Variants in NUDT10 observed in about 807,000 individuals in gnomAD.
The protein encoded by NUDT10 is diphosphoinositol polyphosphate phosphohydrolase 3-alpha.
A neutral mutation model predicts 10.5 loss-of-function variants in NUDT10; 2 were observed. The ratio of observed to expected loss-of-function variants is 0.19; its 90% CI spans 0.08 to 0.60. The LOEUF (loss-of-function observed/expected upper bound fraction) is 0.60, where lower values mean the gene tolerates loss of function less well. Among genes scored for constraint, NUDT10 ranks in the 20% least tolerant of loss-of-function variants. The pLI, the probability that NUDT10 is intolerant of heterozygous loss-of-function variation, is 0.89. For synonymous variants in NUDT10, 53 were observed against 71.8 expected, an observed-to-expected ratio of 0.74 and a Z score of 1.32; for missense variants, 75 against 149.5, an observed-to-expected ratio of 0.50 and a Z score of 2.60.
Position 51,333,235 on chromosome X carries a change from G to A in NUDT10, c.270G>A (p.Lys90=), listed in dbSNP as rs1922732843. Residue 90 remains lysine (K), a synonymous_variant, in exon 1 of 2, where the codon AAG becomes AAA. Coordinates refer to ENST00000356450, the MANE Select transcript of NUDT10 (RefSeq NM_001304963.2). The part of the protein sequence containing the change: ...LGVFEQNQDP[K]HRTYVYVLTV... ...TCTTCGAACAGAACCAGGACCCCAA[G>A]CACAGAACGTACGTGTATGTACTGA... 3.3e-6 allele frequency: 4 copies of A among 1,209,208 alleles called. No individual in the cohort carries two copies. Among genetic ancestry groups the A allele is most frequent in the African/African-American group, 3.5e-5 (2 of 56,932 alleles).
rs1344668116 is a variant in NUDT10, at chrX:51,336,528, C to G, written c.*289C>G. The G allele has an allele frequency of 4.3e-6, 1 of 232,848 alleles. No homozygotes were observed. The highest frequency in any genetic ancestry group is 7.6e-6 in the Non-Finnish European group (1 of 130,742). The allele number at this position is 232,848 out of a possible 1,213,427, so 19.2% of individuals were successfully genotyped here. ...GCCCTTGAATGCCAGGAACTTGTTT[C>G]CTTAGTCTTTTTTATATATCTAGCA... On this transcript the variant is annotated 3_prime_UTR_variant, in exon 2 of 2. Coordinates refer to ENST00000356450, the MANE Select transcript of NUDT10 (RefSeq NM_001304963.2).
rs374455975 is a variant in NUDT10, at chrX:51,336,193, A to G, written c.*-46A>G. 19 of 552,400 alleles carry G rather than the reference A, an allele frequency of 3.4e-5. 1 individual carries two copies. In the African/African-American group the frequency reaches 3.8e-4, roughly 11 times the overall value. The allele number at this position is 552,400 out of a possible 1,213,427, so 45.5% of individuals were successfully genotyped here. A position where few individuals can be genotyped will look rare whatever the true frequency, so the allele number is the denominator to read the frequency against. ...CAATAAGTATTTGTTGATTAGAGGAATGGATGAACCAATAAAACCCTATTA... is the reference window on the plus strand; with the variant it reads ...CAATAAGTATTTGTTGATTAGAGGAGTGGATGAACCAATAAAACCCTATTA... On this transcript the variant is annotated intron_variant, in intron 1 of 1. Transcript: ENST00000356450.
upstream of NUDT10, chrX:51,332,804 C>A: frequency 1.2e-6 from 1 of 841,440 alleles, no homozygotes; most frequent in Non-Finnish European, 1.6e-6. Flanking sequence ...TCTCCCTCCG[C>A]TCCCCGGGCT....
chrX:51,332,939 G>C lies in NUDT10; in HGVS notation c.-27G>C, dbSNP rs782349718. ...CTGCGTCGGCGGCCCACACAGCAGC[G>C]AGAGGCGAGAGGAGGCTGCCTCGAG... is the stretch of plus-strand genomic sequence containing the variant. On this transcript the variant is annotated 5_prime_UTR_variant, in exon 1 of 2. Transcript: ENST00000356450. 8.3e-7 allele frequency: 1 copy of C among 1,208,322 alleles called. No homozygotes were observed. Among genetic ancestry groups the C allele is most frequent in the Non-Finnish European group, 1.1e-6 (1 of 893,383 alleles).
Position 51,336,322 on chromosome X carries a change from A to ATG in NUDT10, c.*84_*85dup. The ATG allele has an allele frequency of 1.9e-6, 1 of 532,983 alleles. No homozygotes were observed. The highest frequency in any genetic ancestry group is 3.4e-5 in the East Asian group (1 of 29,552). The allele number at this position is 532,983 out of a possible 1,213,427, so 43.9% of individuals were successfully genotyped here. On this transcript the variant is annotated 3_prime_UTR_variant, in exon 2 of 2. Transcript: ENST00000356450. ...GGATGAATGGAATTGTGAAGCACAGATGAGCTCTTTCACACTCCAAGGACA... is the reference window on the plus strand; with the variant it reads ...GGATGAATGGAATTGTGAAGCACAGATGTGAGCTCTTTCACACTCCAAGGACA...
Position 51,337,263 on chromosome X carries a change from A to G in NUDT10, c.*1024A>G, listed in dbSNP as rs1450841221. ...TTTGAACATTGGTGGGGTATTTGGT[A>G]TTAGAATAATGGTTTTATCATTATG... On this transcript the variant is annotated 3_prime_UTR_variant, in exon 2 of 2. Transcript: ENST00000356450. The G allele has an allele frequency of 2.7e-5, 3 of 112,218 alleles. No individual in the cohort carries two copies. Among genetic ancestry groups the G allele is most frequent in the Non-Finnish European group, 3.8e-5 (2 of 53,287 alleles). The allele number at this position is 112,218 out of a possible 1,213,427, so 9.2% of individuals were successfully genotyped here.
intron 1 of NUDT10, among the ~76,000 whole-genome samples, chrX:51,334,943 G>A (rs187719831): frequency 2.7e-5 from 3 of 110,262 alleles, no homozygotes; most frequent in East Asian, 2.9e-4. Flanking sequence ...TTTGGGTTTC[G>A]CTATGTAAAT....
Position 51,333,475 on chromosome X carries a change from G to C in NUDT10, c.494+16G>C, listed in dbSNP as rs370073006. 142 of 1,203,638 alleles carry C rather than the reference G, an allele frequency of 1.2e-4. No individual in the cohort carries two copies. Among genetic ancestry groups the C allele is most frequent in the Non-Finnish European group, 1.5e-4 (135 of 892,071 alleles). On this transcript the variant is annotated intron_variant, in intron 1 of 1. Coordinates refer to ENST00000356450, the MANE Select transcript of NUDT10 (RefSeq NM_001304963.2). ...GCGATCCCTAGTATGTACCGCTTGC[G>C]CCCGCACAGACTTCTGTTTGTCTGC...
Position 51,336,476 on chromosome X carries a change from GTGTC to G in NUDT10, c.*241_*244del, listed in dbSNP as rs782002251. 1.3e-5 allele frequency: 4 copies of G among 296,767 alleles called. No individual in the cohort carries two copies. Among genetic ancestry groups the G allele is most frequent in the Non-Finnish European group, 2.4e-5 (4 of 168,294 alleles). 24.5% of individuals were successfully genotyped at this position (296,767 alleles called of 1,213,427 possible). ...CCTGTGGCCTTTTTTGTGCTCTTAT[GTGTC>G]TGTATTTCCCGGCAGAGTATACGCC... On this transcript the variant is annotated 3_prime_UTR_variant, in exon 2 of 2. Transcript: ENST00000356450.
Position 51,333,469 on chromosome X carries a change from G to A in NUDT10, c.494+10G>A, listed in dbSNP as rs199592762. 2 of 1,207,100 alleles carry A rather than the reference G, an allele frequency of 1.7e-6. No homozygotes were observed. Among genetic ancestry groups the A allele is most frequent in the Non-Finnish European group, 2.2e-6 (2 of 893,131 alleles). ...CAGATAGCGATCCCTAGTATGTACC[G>A]CTTGCGCCCGCACAGACTTCTGTTT... On this transcript the variant is annotated intron_variant, in intron 1 of 1. Transcript: ENST00000356450.
chrX:51,334,649 G>A (rs1922787938), intron 1 of NUDT10, among the ~76,000 whole-genome samples: 1 of 111,744 alleles, frequency 8.9e-6, no homozygotes, highest in African/African-American at 3.3e-5. Context: ...AAGCTCTCAC[G>A]TTTGCCTCAG....
At chrX:51,332,532 G>C (rs1303585431), upstream of NUDT10, among the ~76,000 whole-genome samples, 3 of 113,009 alleles carry the variant, frequency 2.7e-5, no homozygotes, top group Non-Finnish European at 5.6e-5. Context: ...CCCGCCCCTG[G>C]CCCCTCGCCC....
rs922084464 is a variant in NUDT10 at position 51,337,032 on chromosome X, G to A, written c.*793G>A. 11 of 112,258 alleles carry A rather than the reference G, an allele frequency of 9.8e-5. No individual in the cohort carries two copies. The highest frequency in any genetic ancestry group is 3.6e-4 in the African/African-American group (11 of 30,895). 9.3% of individuals were successfully genotyped at this position (112,258 alleles called of 1,213,427 possible). On this transcript the variant is annotated 3_prime_UTR_variant, in exon 2 of 2. Transcript: ENST00000356450. ...ACATTATTTTACACCATGGAGATGA[G>A]ATCAGCAGAATCCAGACTATAAGAA...
chrX:51,334,054 C>T (rs2146582154), intron 1 of NUDT10, among the ~76,000 whole-genome samples: 1 of 111,663 alleles, frequency 9.0e-6, no homozygotes, highest in South Asian at 3.8e-4. Flanking sequence ...TTCGTAAAAA[C>T]ATTAGGAAAT....
Position 51,333,295 on chromosome X carries a change from G to A in NUDT10, c.330G>A (p.Ser110=), listed in dbSNP as rs1557312380. ...VTELLEDWED[S]VSIGRKREWF... ...AGCTGCTGGAGGATTGGGAAGATTCGGTTAGCATTGGGAGGAAGCGAGAGT... is the reference window on the plus strand; with the variant it reads ...AGCTGCTGGAGGATTGGGAAGATTCAGTTAGCATTGGGAGGAAGCGAGAGT... The change falls in exon 1 of 2, where the codon TCG becomes TCA. Residue 110 remains serine (S), a synonymous_variant. Transcript: ENST00000356450. 8.3e-6 allele frequency: 10 copies of A among 1,211,046 alleles called. No individual in the cohort carries two copies. Among genetic ancestry groups the A allele is most frequent in the East Asian group, 3.0e-5 (1 of 33,778 alleles).
chrX:51,333,610 C>CTGT, intron 1 of NUDT10, 151 bp downstream of exon 1: 1 of 844,004 alleles, frequency 1.2e-6, no homozygotes, highest in Non-Finnish European at 1.6e-6. Context: ...CGCTTGCAAA[C>CTGT]TGTTGCCAGG....
intron 1 of NUDT10, among the ~76,000 whole-genome samples, 164 bp downstream of exon 1, chrX:51,333,623 C>G (rs1450892956): frequency 2.7e-5 from 3 of 109,360 alleles, no homozygotes; most frequent in African/African-American, 1.0e-4. Context: ...TTGCCAGGCC[C>G]TGTTTTCAGT....
chrX:51,336,138 C>A, intron 1 of NUDT10, 101 bp from the exon 2 acceptor site: 1 of 473,343 alleles, frequency 2.1e-6, no homozygotes, highest in South Asian at 3.6e-5. Flanking sequence ...TTTTCCAATT[C>A]AAAATGGTTG....
intron 1 of NUDT10, among the ~76,000 whole-genome samples, chrX:51,333,720 G>A (rs1174901987): frequency 5.8e-5 from 5 of 85,837 alleles, no homozygotes; most frequent in African/African-American, 2.2e-4. Flanking sequence ...GGGGTTTTAG[G>A]TGCTGTAACT....
Sources: gnomAD v4.1 joint callset for allele counts (sites outside exome capture counted in the v4.1 genomes callset) on GRCh38, gnomAD v4.1.1 for gene constraint, MANE v1.5 for transcripts, NCBI Gene and HGNC (gene_info 2026-07-23, HGNC 2026-07-21) for gene names.